Variants in NOS2 observed in about 807,000 individuals in gnomAD.
NOS2 encodes nitric oxide synthase 2, also known as nitric oxide synthase, inducible.
In NOS2, 96 loss-of-function variants were observed where a neutral mutation model predicts 136.0. That is an observed-to-expected ratio of 0.71 (90% CI 0.60 to 0.84). The LOEUF (loss-of-function observed/expected upper bound fraction) is 0.84, where lower values mean the gene tolerates loss of function less well. NOS2 is among the 40% of genes least tolerant of loss of function. NOS2 has a pLI of 0.00. For synonymous variants in NOS2, 539 were observed against 587.5 expected, an observed-to-expected ratio of 0.92 and a Z score of 1.20; for missense variants, 1,237 against 1,496.9, an observed-to-expected ratio of 0.83 and a Z score of 2.87.
intron 11 of NOS2, among the ~76,000 whole-genome samples, chr17:27,777,250 G>T (rs28999388): frequency 1.4e-3 from 206 of 152,364 alleles, no homozygotes; most frequent in African/African-American, 4.8e-3. Flanking sequence ...GGCAAATGCT[G>T]AGTAAAACAC....
At chr17:27,765,513 G>A (rs1908268053) in intron 20 of NOS2, 22 bp downstream of exon 20, 1 of 1,566,474 alleles carries the variant, frequency 6.4e-7, no homozygotes, top group Non-Finnish European at 8.6e-7. Context: ...AGGCAGCACT[G>A]GCTTTCTAGC....
In NOS2 at chr17:27,788,930, T is replaced by C. The variant is rs745918924; in HGVS notation, c.197A>G (p.Lys66Arg). The C allele has an allele frequency of 3.1e-6, 5 of 1,613,610 alleles. No homozygotes were observed. Among genetic ancestry groups the C allele is most frequent in the South Asian group, 2.2e-5 (2 of 91,008 alleles). Residue 66 changes from lysine to arginine, a missense_variant and splice_region_variant, in exon 4 of 27, where the codon AAG (lysine) becomes AGG (arginine). Physicochemically the swap from Lys to Arg is conservative, Grantham distance 26. Coordinates refer to ENST00000313735, the MANE Select transcript of NOS2 (RefSeq NM_000625.4). ...CAGCTTGACCAGAGATTCTGGAGAC[T>C]TCTGCAAGGGGAAAAAACAGGGTTT... ...SPQPLVETGKKSPESLVKLDA... is the reference protein window; with the variant it reads ...SPQPLVETGKRSPESLVKLDA...
rs534139293 is a variant in NOS2, at chr17:27,760,492, C to T, written c.3010+131G>A. 2.2e-5 allele frequency: 28 copies of T among 1,267,660 alleles called. No homozygotes were observed. In the South Asian group the frequency reaches 2.6e-4, roughly 12 times the overall value. 78.5% of individuals were successfully genotyped at this position (1,267,660 alleles called of 1,614,324 possible). ...GCAGCCATTCTAACCCGCAGAGGCC[C>T]GCACAGGGAAGCAAACTTGGGAGGC... On this transcript the variant is annotated intron_variant, in intron 24 of 26. Transcript: ENST00000313735.
Position 27,798,839 on chromosome 17 carries a change from T to C in NOS2, c.-30A>G. On this transcript the variant is annotated 5_prime_UTR_variant, in exon 2 of 27. Coordinates refer to ENST00000313735, the MANE Select transcript of NOS2 (RefSeq NM_000625.4). ...ATGGCTTTACAAAGCAGGTCACTTA[T>C]GTCACTTATCTGGATTTGAGCTCAG... 3 of 1,361,540 alleles carry C rather than the reference T, an allele frequency of 2.2e-6. No individual in the cohort carries two copies. The highest frequency in any genetic ancestry group is 2.1e-6 in the Non-Finnish European group (2 of 949,398). 84.3% of individuals were successfully genotyped at this position (1,361,540 alleles called of 1,614,324 possible).
At chr17:27,782,806 TG>T (rs988100770) in intron 6 of NOS2, 137 bp downstream of exon 6, 26 of 801,772 alleles carry the variant, frequency 3.2e-5, no homozygotes, top group Non-Finnish European at 5.0e-5. Flanking sequence ...TCTCAACATT[TG>T]GGAATGTAAG....
At chr17:27,761,375 G>C (rs796079297) in intron 22 of NOS2, 144 bp from the exon 23 acceptor site, 1 of 661,878 alleles carries the variant, frequency 1.5e-6, no homozygotes, top group Non-Finnish European at 2.6e-6. Context: ...TGTCCTCCTG[G>C]TTCTGAGATC....
chr17:27,760,433 A>G (rs1329976689), intron 24 of NOS2, among the ~76,000 whole-genome samples, 190 bp downstream of exon 24: 1 of 152,192 alleles, frequency 6.6e-6, no homozygotes, highest in Non-Finnish European at 1.5e-5. Flanking sequence ...CTCCCAGGAG[A>G]GGGAGCCCTG....
At chr17:27,768,644 G>A (rs1414586469) in intron 17 of NOS2, among the ~76,000 whole-genome samples, 1 of 152,232 alleles carries the variant, frequency 6.6e-6, no homozygotes, top group Non-Finnish European at 1.5e-5. Context: ...GGCTCTCTAT[G>A]GCTGTGAGAC....
Position 27,774,284 on chromosome 17 carries a change from G to T in NOS2, c.1449C>A (p.Tyr483Ter). ...TPVFHQEMLN[Y>*]VLSPFYYYQV... Reference sequence around the variant, plus strand: ...GATAGTAGTAGAAAGGGGACAGGACGTAGTTCAGCATCTCCTGGTGAAACA... The same window carrying T: ...GATAGTAGTAGAAAGGGGACAGGACTTAGTTCAGCATCTCCTGGTGAAACA... Residue 483 changes from tyrosine to a stop codon, truncating the protein, a stop_gained, in exon 12 of 27, where the codon TAC becomes TAA. Coordinates refer to ENST00000313735, the MANE Select transcript of NOS2 (RefSeq NM_000625.4). LOFTEE classifies it high-confidence loss of function. 1 of 1,536,324 alleles carries T rather than the reference G, an allele frequency of 6.5e-7. No homozygotes were observed. Among genetic ancestry groups the T allele is most frequent in the Admixed American group, 2.1e-5 (1 of 48,402 alleles).
intron 4 of NOS2, 30 bp from the exon 5 acceptor site, chr17:27,787,856 G>A (rs1567641871): frequency 6.3e-7 from 1 of 1,585,216 alleles, no homozygotes. Flanking sequence ...TGGTGAGGGT[G>A]GGCCATTCGG....
At position 27,756,966 on chromosome 17, in the gene NOS2, G is replaced by A. The variant is rs199960218; in HGVS notation, c.*280C>T. ...CTTGAAGTGGTGCACTCAGCAGCAAGTTCCATCTTTCACCCACTTGCCAGG... is the reference window on the plus strand; with the variant it reads ...CTTGAAGTGGTGCACTCAGCAGCAAATTCCATCTTTCACCCACTTGCCAGG... On this transcript the variant is annotated 3_prime_UTR_variant, in exon 27 of 27. Transcript: ENST00000313735. 112 of 398,250 alleles carry A rather than the reference G, an allele frequency of 2.8e-4. No individual in the cohort carries two copies. Among genetic ancestry groups the A allele is most frequent in the Non-Finnish European group, 4.5e-4 (102 of 226,004 alleles). The allele number at this position is 398,250 out of a possible 1,614,324, so 24.7% of individuals were successfully genotyped here.
At chr17:27,786,277 T>A (rs752309277) in intron 5 of NOS2, among the ~76,000 whole-genome samples, 2 of 151,062 alleles carry the variant, frequency 1.3e-5, no homozygotes, top group Admixed American at 6.6e-5. Flanking sequence ...AAAAAAAAAA[T>A]TAGCCAGGTG....
chr17:27,773,272 A>C, intron 12 of NOS2, 29 bp from the exon 13 acceptor site: 1 of 1,565,528 alleles, frequency 6.4e-7, no homozygotes, highest in Non-Finnish European at 8.8e-7. Flanking sequence ...ATGTGAGGGC[A>C]GGGCGGGGTC....
chr17:27,761,495 A>G (rs1019162407), intron 22 of NOS2, among the ~76,000 whole-genome samples: 3 of 152,270 alleles, frequency 2.0e-5, no homozygotes, highest in African/African-American at 7.2e-5. Flanking sequence ...AAGTGACTTG[A>G]AAAAGGTCAC....
chr17:27,759,956 G>C, intron 25 of NOS2, 74 bp downstream of exon 25: 1 of 1,388,352 alleles, frequency 7.2e-7, no homozygotes, highest in Non-Finnish European at 9.5e-7. Context: ...GGGAGGCGAG[G>C]GGCCTGTGGG....
At chr17:27,774,218 C>G (rs1908590739) in intron 12 of NOS2, 39 bp downstream of exon 12, 1 of 1,411,008 alleles carries the variant, frequency 7.1e-7, no homozygotes, top group African/African-American at 1.5e-5. Flanking sequence ...ACAGCCACAT[C>G]TGAGCCCCCA....
chr17:27,774,281 G>GACGT lies in NOS2; in HGVS notation c.1448_1451dup (p.Leu485ArgfsTer91). 6.5e-7 allele frequency: 1 copy of GACGT among 1,533,048 alleles called. No individual in the cohort carries two copies. Among genetic ancestry groups the GACGT allele is most frequent in the Non-Finnish European group, 8.8e-7 (1 of 1,141,624 alleles). The allele number at this position is 1,533,048 out of a possible 1,614,324, so 95.0% of individuals were successfully genotyped here. ...CCTGATAGTAGTAGAAAGGGGACAG[G>GACGT]ACGTAGTTCAGCATCTCCTGGTGAA... On this transcript the variant is annotated frameshift_variant, in exon 12 of 27. Coordinates refer to ENST00000313735, the MANE Select transcript of NOS2 (RefSeq NM_000625.4). LOFTEE classifies it high-confidence loss of function.
At chr17:27,798,206 C>T (rs780931418) in intron 2 of NOS2, among the ~76,000 whole-genome samples, 5 of 152,158 alleles carry the variant, frequency 3.3e-5, no homozygotes, top group Admixed American at 6.5e-5. Flanking sequence ...ACTTACCCTG[C>T]GTCACACAGC....
At position 27,760,675 on chromosome 17, in the gene NOS2, G is replaced by A. The variant is rs1281093350; in HGVS notation, c.2958C>T (p.Ile986=). The A allele has an allele frequency of 3.6e-5, 56 of 1,552,264 alleles. No homozygotes were observed. The highest frequency in any genetic ancestry group is 4.8e-5 in the Non-Finnish European group (55 of 1,147,632). Residue 986 remains isoleucine, a synonymous_variant, in exon 24 of 27, where the codon ATC becomes ATT. Transcript: ENST00000313735. Reference sequence around the variant, plus strand: ...GCTGCCAGAAACTGCGGAAGGGCGCGATGCCTGTGCCAGGCCCGATGAGGA... The same window carrying A: ...GCTGCCAGAAACTGCGGAAGGGCGCAATGCCTGTGCCAGGCCCGATGAGGA... ...PCILIGPGTG[I]APFRSFWQQR... is the part of the protein sequence containing the mutation.
Sources: allele counts gnomAD v4.1 joint callset (sites outside exome capture counted in the v4.1 genomes callset), GRCh38; gene constraint gnomAD v4.1.1; transcripts MANE v1.5; gene names NCBI Gene and HGNC (gene_info 2026-07-23, HGNC 2026-07-21).